Variants in PCDHA10 observed in about 807,000 individuals in gnomAD.
PCDHA10 encodes protocadherin alpha 10, also known as protocadherin alpha-10.
PCDHA10 carries 45 observed loss-of-function variants against 61.2 expected under a neutral mutation model. The ratio of observed to expected loss-of-function variants is 0.74; its 90% CI spans 0.58 to 0.94. The LOEUF is 0.94. PCDHA10 is among the 40% of genes least tolerant of loss of function. The probability of loss-of-function intolerance (pLI) is 0.00; values close to 1 mark genes in which losing one functional copy is unlikely to be tolerated. For missense variants in PCDHA10, 1,278 were observed against 1,236.2 expected (o/e 1.03, Z -0.51); for synonymous variants, 602 against 548.8 (o/e 1.10, Z -1.35).
At chr5:140,870,656 C>T (rs782506518) in intron 1 of PCDHA10, 22 of 1,612,360 alleles carry the variant, frequency 1.4e-5, no homozygotes, top group Non-Finnish European at 1.7e-6. Flanking sequence ...AAGGTGTACG[C>T]GCTGCAGCCG....
intron 1 of PCDHA10, chr5:140,877,313 C>T (rs2057018817): frequency 6.2e-7 from 1 of 1,613,836 alleles, no homozygotes; most frequent in Non-Finnish European, 8.5e-7. Flanking sequence ...TTGCAACCGG[C>T]GGCGGTCGGC....
At chr5:140,880,926 G>C (rs1554171610) in intron 1 of PCDHA10, among the ~76,000 whole-genome samples, 1 of 152,192 alleles carries the variant, frequency 6.6e-6, no homozygotes, top group African/African-American at 2.4e-5. Context: ...TACTATGTTA[G>C]TAAAAGTAAT....
At chr5:140,878,093 G>C (rs1209778256) in intron 1 of PCDHA10, 1 of 292,952 alleles carries the variant, frequency 3.4e-6, no homozygotes, top group Non-Finnish European at 6.0e-6. Context: ...TTATATGACT[G>C]ATGAACCTTG....
At chr5:140,989,533 T>C (rs114286041) in intron 3 of PCDHA10, among the ~76,000 whole-genome samples, 1,576 of 152,276 alleles carry the variant, frequency 0.01, 12 homozygotes, top group Middle Eastern at 0.058. Flanking sequence ...AGGAGGAAGA[T>C]AGTTTGTAAT....
intron 1 of PCDHA10, chr5:140,968,943 T>G (rs1429261485): frequency 1.2e-6 from 2 of 1,614,128 alleles, no homozygotes; most frequent in Non-Finnish European, 1.7e-6. Context: ...ATCATCATTT[T>G]GAGCATCATC....
At chr5:140,973,276 C>G (rs1416819589) in intron 1 of PCDHA10, among the ~76,000 whole-genome samples, 1 of 152,132 alleles carries the variant, frequency 6.6e-6, no homozygotes, top group African/African-American at 2.4e-5. Context: ...TTTATTTCCC[C>G]CAGCACTGAT....
intron 1 of PCDHA10, among the ~76,000 whole-genome samples, chr5:140,945,356 G>A (rs1294877669): frequency 1.1e-4 from 16 of 151,976 alleles, no homozygotes; most frequent in Non-Finnish European, 1.9e-4. Flanking sequence ...AATTAATACT[G>A]TTTAAAATGT....
chr5:140,928,602 G>A (rs927910920), intron 1 of PCDHA10: 26 of 1,614,058 alleles, frequency 1.6e-5, no homozygotes, highest in Non-Finnish European at 2.2e-5. Context: ...TGGAAATTGT[G>A]CCCCGCTCTG....
At chr5:140,985,739 CTTTTTTTTTT>C (rs11372071) in intron 3 of PCDHA10, among the ~76,000 whole-genome samples, 1 of 117,922 alleles carries the variant, frequency 8.5e-6, no homozygotes, top group African/African-American at 3.2e-5. Context: ...TGATGAATTC[CTTTTTTTTTT>C]TTTTTTTTTT....
rs994045696 is a variant in PCDHA10 at position 140,859,234 on chromosome 5, T to G, written c.2388+798T>G. 5 of 142,110 alleles carry G rather than the reference T, an allele frequency of 3.5e-5. 2 individuals carry two copies. The highest frequency in any genetic ancestry group is 8.0e-5 in the Non-Finnish European group (5 of 62,814). The allele number at this position is 142,110 out of a possible 1,614,324, so 8.8% of individuals were successfully genotyped here. A position where few individuals can be genotyped will look rare whatever the true frequency, so the allele number is the denominator to read the frequency against. ...CTCTTTCACTTTAAGGAAGGAGTCA[T>G]GCTTATGTTTAATAATGAAGAGAAT... On this transcript the variant is annotated intron_variant, in intron 1 of 3. Transcript: ENST00000307360.
At chr5:140,880,628 A>T (rs566696364) in intron 1 of PCDHA10, among the ~76,000 whole-genome samples, 46 of 152,352 alleles carry the variant, frequency 3.0e-4, no homozygotes, top group Non-Finnish European at 4.4e-5. Flanking sequence ...GGAGTTAATT[A>T]TCAATTCACT....
At chr5:140,866,644 T>A (rs531566613) in intron 1 of PCDHA10, 14 of 152,184 alleles carry the variant, frequency 9.2e-5, no homozygotes, top group Non-Finnish European at 1.6e-4. Context: ...GTGTCAAAAT[T>A]TATTTATGTG....
intron 3 of PCDHA10, among the ~76,000 whole-genome samples, chr5:141,000,412 TATATA>T (rs2097919858): frequency 7.8e-5 from 8 of 102,770 alleles, no homozygotes; most frequent in African/African-American, 2.3e-4. Flanking sequence ...TATATATATA[TATATA>T]TATATTTTTT....
intron 1 of PCDHA10, among the ~76,000 whole-genome samples, chr5:140,917,163 G>C (rs948639951): frequency 6.6e-6 from 1 of 152,182 alleles, no homozygotes; most frequent in Non-Finnish European, 1.5e-5. Flanking sequence ...ATATGGGAGG[G>C]GTGATGGTGG....
intron 1 of PCDHA10, among the ~76,000 whole-genome samples, chr5:140,886,185 G>A (rs2060887176): frequency 6.6e-6 from 1 of 152,072 alleles, no homozygotes; most frequent in African/African-American, 2.4e-5. Context: ...CCTAATGCTG[G>A]CAAGCAGTAA....
chr5:140,856,071 TG>T lies in PCDHA10; in HGVS notation c.28del (p.Val10SerfsTer67). 1 of 1,591,920 alleles carries T rather than the reference TG, an allele frequency of 6.3e-7. No individual in the cohort carries two copies. Among genetic ancestry groups the T allele is most frequent in the East Asian group, 2.2e-5 (1 of 44,786 alleles). MVSRCSCLGVQCLLLSLL... is the reference protein window; with the variant it reads MVSRCSCXGVQCLLLSLL... ...AAGATGGTTTCCAGATGTAGCTGCC[TG>T]GGGGTCCAGTGTCTGCTGCTCTCGC... is the stretch of plus-strand genomic sequence containing the variant. On this transcript the variant is annotated frameshift_variant, in exon 1 of 4. Transcript: ENST00000307360. LOFTEE classifies it high-confidence loss of function.
At chr5:140,915,059 C>T (rs1554196724) in intron 1 of PCDHA10, among the ~76,000 whole-genome samples, 1 of 151,706 alleles carries the variant, frequency 6.6e-6, no homozygotes, top group Non-Finnish European at 1.5e-5. Flanking sequence ...GATTCTCCTG[C>T]CTTAGCCTAC....
rs782355791 is a variant in PCDHA10, at chr5:140,982,576, G to A, written c.2536+13G>A. The A allele has an allele frequency of 5.6e-6, 9 of 1,613,152 alleles. No homozygotes were observed. In the Admixed American group the frequency reaches 6.7e-5, roughly 12 times the overall value. ...AGTGCAACACCAGGTAAAGAGCTGG[G>A]GTCTCTCCATTCTTTCTTGGTTTCT... On this transcript the variant is annotated intron_variant, in intron 3 of 3. Transcript: ENST00000307360.
chr5:140,876,827 C>A, intron 1 of PCDHA10: 3 of 1,614,182 alleles, frequency 1.9e-6, no homozygotes, highest in South Asian at 1.1e-5. Context: ...AACGACAATG[C>A]GCCTGCGTTC....
Sources: gnomAD v4.1 joint callset for allele counts (sites outside exome capture counted in the v4.1 genomes callset) on GRCh38, gnomAD v4.1.1 for gene constraint, MANE v1.5 for transcripts, NCBI Gene and HGNC (gene_info 2026-07-23, HGNC 2026-07-21) for gene names.